The following BMP8A variants were observed in gnomAD, a reference collection of about 807,000 sequenced individuals.
The protein encoded by BMP8A is bone morphogenetic protein 8a, also known as BMP-8A.
Under a neutral mutation model 36.8 loss-of-function variants are expected in BMP8A, and 14 were observed. That is an observed-to-expected ratio of 0.38 (90% confidence interval 0.25 to 0.60). The LOEUF is 0.60. Ranked by LOEUF, BMP8A falls within the 20% of genes least tolerant of loss-of-function variation. The pLI is 0.63. For missense variants in BMP8A, 267 were observed against 551.1 expected (o/e 0.48, Z 5.16); for synonymous variants, 120 against 237.7 (o/e 0.50, Z 4.55).
intron 6 of BMP8A, chr1:39,523,436 A>G (rs1645450463): frequency 8.3e-7 from 1 of 1,205,038 alleles, no homozygotes; most frequent in South Asian, 1.7e-5. Flanking sequence ...ACAGCACATG[A>G]AACAGATGTG....
Position 39,528,460 on chromosome 1 carries a change from C to A in BMP8A, c.*2662C>A, listed in dbSNP as rs1310820679. Among the ~76,000 whole-genome samples, 1 of 152,196 alleles carries A rather than the reference C, an allele frequency of 6.6e-6. No individual in the cohort carries two copies. Among genetic ancestry groups the A allele is most frequent in the East Asian group, 1.9e-4 (1 of 5,198 alleles). On this transcript the variant is annotated 3_prime_UTR_variant, in exon 7 of 7. Transcript: ENST00000331593. Reference sequence around the variant, plus strand: ...ACTGGCTGCAACAAGTAGCCACTGACAGGGAGTCTGGGGCCATTTGGTGCA... The same window carrying A: ...ACTGGCTGCAACAAGTAGCCACTGAAAGGGAGTCTGGGGCCATTTGGTGCA...
chr1:39,492,246 TGGCGACGAC>T lies in BMP8A; in HGVS notation c.257_265del (p.Gly86_Asp88del), dbSNP rs1645166206. 1 of 1,559,418 alleles carries T rather than the reference TGGCGACGAC, an allele frequency of 6.4e-7. No homozygotes were observed. Among genetic ancestry groups the T allele is most frequent in the Non-Finnish European group, 8.6e-7 (1 of 1,163,930 alleles). ...TGCTGGACCTGTACCACGCCATGGC[TGGCGACGAC>T]GACGAGGACGGCGCGCCCGCGGAGC... On this transcript the variant is annotated inframe_deletion, in exon 1 of 7. Transcript: ENST00000331593.
At position 39,527,970 on chromosome 1, in the gene BMP8A, T is replaced by C. The variant is rs1157939747; in HGVS notation, c.*2172T>C. On this transcript the variant is annotated 3_prime_UTR_variant, in exon 7 of 7. Coordinates refer to ENST00000331593, the MANE Select transcript of BMP8A (RefSeq NM_181809.4). ...CATAGGACTTGGGGCCTATCTGCCATTGCAGGACCTGATTTAACAGCTCTC... is the reference window on the plus strand; with the variant it reads ...CATAGGACTTGGGGCCTATCTGCCACTGCAGGACCTGATTTAACAGCTCTC... Among the ~76,000 whole-genome samples the C allele has an allele frequency of 6.6e-6, 1 of 152,226 alleles. No individual in the cohort carries two copies. The highest frequency in any genetic ancestry group is 2.4e-5 in the African/African-American group (1 of 41,460).
intron 6 of BMP8A, among the ~76,000 whole-genome samples, chr1:39,523,389 T>G (rs577327147): frequency 6.6e-6 from 1 of 152,314 alleles, no homozygotes; most frequent in East Asian, 1.9e-4. Flanking sequence ...CAAACTCCTG[T>G]GGGACACTTA....
intron 1 of BMP8A, among the ~76,000 whole-genome samples, chr1:39,493,615 C>A (rs957705547): frequency 4.6e-5 from 7 of 152,242 alleles, no homozygotes; most frequent in African/African-American, 1.7e-4. Context: ...CTGCTTCCCG[C>A]AACCCAGAGC....
intron 1 of BMP8A, among the ~76,000 whole-genome samples, chr1:39,507,062 G>A (rs897559598): frequency 6.6e-6 from 1 of 152,188 alleles, no homozygotes; most frequent in Non-Finnish European, 1.5e-5. Flanking sequence ...TAGGATCACT[G>A]TCCCAGATTT....
intron 1 of BMP8A, among the ~76,000 whole-genome samples, chr1:39,499,908 C>T (rs1405480385): frequency 6.6e-6 from 1 of 152,234 alleles, no homozygotes; most frequent in African/African-American, 2.4e-5. Context: ...GCCCAAGTGA[C>T]TTCTCACCTC....
At chr1:39,509,088 A>T (rs1366134008) in intron 1 of BMP8A, among the ~76,000 whole-genome samples, 1 of 152,120 alleles carries the variant, frequency 6.6e-6, no homozygotes, top group Non-Finnish European at 1.5e-5. Flanking sequence ...TCCCACATGA[A>T]GTCAGCATGT....
Position 39,494,238 on chromosome 1 carries a change from T to G in BMP8A, c.334+1913T>G, listed in dbSNP as rs1348825943. On this transcript the variant is annotated intron_variant, in intron 1 of 6. Coordinates refer to ENST00000331593, the MANE Select transcript of BMP8A (RefSeq NM_181809.4). ...GTACACGTGAAACCCAGAAATGAAC[T>G]CTAAAAGCCAATCAAAGGTGTTTGT... Among the ~76,000 whole-genome samples the G allele has an allele frequency of 2.0e-5, 3 of 152,210 alleles. No homozygotes were observed. In the East Asian group the frequency reaches 5.8e-4, roughly 29 times the overall value.
chr1:39,501,150 C>T (rs1189207383), intron 1 of BMP8A, among the ~76,000 whole-genome samples: 1 of 152,186 alleles, frequency 6.6e-6, no homozygotes, highest in Non-Finnish European at 1.5e-5. Context: ...ATCTAGGGAA[C>T]TAATCCATTC....
intron 1 of BMP8A, among the ~76,000 whole-genome samples, chr1:39,494,635 G>A (rs540777755): frequency 2.2e-4 from 33 of 152,224 alleles, no homozygotes; most frequent in Non-Finnish European, 3.8e-4. Flanking sequence ...GATTACAGGC[G>A]TGAACCACCA....
At chr1:39,523,538 G>A in intron 6 of BMP8A, 1 of 1,383,394 alleles carries the variant, frequency 7.2e-7, no homozygotes, top group Non-Finnish European at 9.4e-7. Context: ...ACAGTGTGTG[G>A]GGTGTGCGTG....
chr1:39,497,174 T>A (rs1645212314), intron 1 of BMP8A, among the ~76,000 whole-genome samples: 1 of 152,252 alleles, frequency 6.6e-6, no homozygotes, highest in African/African-American at 2.4e-5. Flanking sequence ...GTCCATCCAT[T>A]GTTATGGACA....
chr1:39,496,667 G>C (rs1645207807), intron 1 of BMP8A, among the ~76,000 whole-genome samples: 1 of 152,110 alleles, frequency 6.6e-6, no homozygotes, highest in African/African-American at 2.4e-5. Context: ...GGAGAGAGAG[G>C]CTCAGAGCAG....
chr1:39,492,000 G>A lies in BMP8A; in HGVS notation c.9G>A (p.Ala3=). The A allele has an allele frequency of 9.2e-7, 1 of 1,083,994 alleles. No homozygotes were observed. Among genetic ancestry groups the A allele is most frequent in the Non-Finnish European group, 1.1e-6 (1 of 894,518 alleles). 67.1% of individuals were successfully genotyped at this position (1,083,994 alleles called of 1,614,324 possible). MA[A]RPGPLWLLGL... ...AGCGCCCCCGGCCCGCCATGGCCGC[G>A]CGCCCCGGACCGCTCTGGCTTCTGG... Residue 3 remains alanine (A), a synonymous_variant, in exon 1 of 7, where the codon GCG becomes GCA. Transcript: ENST00000331593.
Position 39,525,694 on chromosome 1 carries a change from CCCA to C in BMP8A, c.1109_1111del (p.Thr370del), listed in dbSNP as rs1165712217. ...CGCAGTCCCCAAGGCGTGCTGTGCA[CCCA>C]CCAAGCTGAGCGCCACCTCTGTGCT... On this transcript the variant is annotated inframe_deletion, in exon 7 of 7. Coordinates refer to ENST00000331593, the MANE Select transcript of BMP8A (RefSeq NM_181809.4). The C allele has an allele frequency of 1.9e-5, 31 of 1,614,012 alleles. No individual in the cohort carries two copies. The Admixed American group carries it at 3.2e-4, about 16-fold the overall frequency.
chr1:39,525,514 T>G, intron 6 of BMP8A, 135 bp from the exon 7 acceptor site: 1 of 1,224,762 alleles, frequency 8.2e-7, no homozygotes, highest in Non-Finnish European at 1.1e-6. Flanking sequence ...TGTTAATAAT[T>G]CTTATTATTG....
rs1645486040 is a variant in BMP8A at position 39,526,607 on chromosome 1, G to A, written c.*809G>A. On this transcript the variant is annotated 3_prime_UTR_variant, in exon 7 of 7. Coordinates refer to ENST00000331593, the MANE Select transcript of BMP8A (RefSeq NM_181809.4). ...ACCCGCCCGGCCTCCCAAAGTGTTG[G>A]GATGACAGGCATGAGCCACCGTGCC... Among the ~76,000 whole-genome samples, 1 of 152,062 alleles carries A rather than the reference G, an allele frequency of 6.6e-6. No individual in the cohort carries two copies. Among genetic ancestry groups the A allele is most frequent in the Admixed American group, 6.5e-5 (1 of 15,274 alleles).
rs1355538320 is a variant in BMP8A at position 39,527,157 on chromosome 1, C to A, written c.*1359C>A. On this transcript the variant is annotated 3_prime_UTR_variant, in exon 7 of 7. Coordinates refer to ENST00000331593, the MANE Select transcript of BMP8A (RefSeq NM_181809.4). ...AAATTGGCGTCACCCTGGGTGCCCA[C>A]CAGCGCTGTCCTGTGTCTTGGGTCT... Among the ~76,000 whole-genome samples, 2 of 152,178 alleles carry A rather than the reference C, an allele frequency of 1.3e-5. No individual in the cohort carries two copies. The highest frequency in any genetic ancestry group is 2.9e-5 in the Non-Finnish European group (2 of 68,024).
Sources: gnomAD v4.1 joint callset for allele counts (sites outside exome capture counted in the v4.1 genomes callset) on GRCh38, gnomAD v4.1.1 for gene constraint, MANE v1.5 for transcripts, NCBI Gene and HGNC (gene_info 2026-07-23, HGNC 2026-07-21) for gene names.